Variants in KCNJ16 observed in about 807,000 individuals in gnomAD.
KCNJ16 encodes the protein potassium inwardly rectifying channel subfamily J member 16, also known as inward rectifier potassium channel 16.
Under a neutral mutation model 18.5 loss-of-function variants are expected in KCNJ16, and 15 were observed. The ratio of observed to expected loss-of-function variants is 0.81; its 90% CI spans 0.54 to 1.25. The LOEUF (loss-of-function observed/expected upper bound fraction) is 1.25. KCNJ16 is among the 50% of genes most tolerant of loss of function. The probability of loss-of-function intolerance (pLI) is 0.00; values close to 1 mark genes in which losing one functional copy is unlikely to be tolerated. For missense variants in KCNJ16, 523 were observed against 525.7 expected, an observed-to-expected ratio of 0.99 and a Z score of 0.05; for synonymous variants, 174 against 186.5, an observed-to-expected ratio of 0.93 and a Z score of 0.55.
At chr17:70,097,756 C>T (rs770641232) in intron 1 of KCNJ16, among the ~76,000 whole-genome samples, 1 of 152,088 alleles carries the variant, frequency 6.6e-6, no homozygotes, top group Non-Finnish European at 1.5e-5. Context: ...TCCACTCTTT[C>T]CTTGCAAAGA....
intron 2 of KCNJ16, among the ~76,000 whole-genome samples, chr17:70,118,147 C>G (rs746817453): frequency 6.6e-6 from 1 of 152,008 alleles, no homozygotes; most frequent in Non-Finnish European, 1.5e-5. Flanking sequence ...TCTTACATTG[C>G]TATAAATATC....
chr17:70,086,315 G>A (rs2071794164), intron 1 of KCNJ16, among the ~76,000 whole-genome samples: 1 of 152,144 alleles, frequency 6.6e-6, no homozygotes, highest in South Asian at 2.1e-4. Flanking sequence ...TTATTGCATA[G>A]TAAATTCTGT....
At chr17:70,098,915 C>G (rs2072503852) in intron 1 of KCNJ16, among the ~76,000 whole-genome samples, 1 of 152,142 alleles carries the variant, frequency 6.6e-6, no homozygotes, top group Non-Finnish European at 1.5e-5. Context: ...TGAGCAAATT[C>G]TAAGTGCCTG....
rs1240165964 is a variant in KCNJ16 at position 70,081,871 on chromosome 17, A to T, written c.-300+6481A>T. On this transcript the variant is annotated intron_variant, in intron 1 of 3. Coordinates refer to ENST00000392671, the MANE Select transcript of KCNJ16 (RefSeq NM_170741.4). ...CTGTATTAATTATTCACAAAGTAAT[A>T]CCATGATAATTGCTATGCCATTAAT... Among the ~76,000 whole-genome samples the T allele has an allele frequency of 5.9e-5, 9 of 152,108 alleles. 1 individual carries two copies.
chr17:70,130,843 G>A, intron 2 of KCNJ16, 36 bp from the exon 3 acceptor site: 1 of 882,154 alleles, frequency 1.1e-6, no homozygotes. Flanking sequence ...TGTTAAAATT[G>A]GCTACAATAC....
chr17:70,094,459 T>C (rs952066930), intron 1 of KCNJ16, among the ~76,000 whole-genome samples: 10 of 152,144 alleles, frequency 6.6e-5, no homozygotes, highest in Non-Finnish European at 1.5e-4. Flanking sequence ...AATTAGAAAT[T>C]TGAGAAATTG....
At chr17:70,090,365 C>T (rs73389235) in intron 1 of KCNJ16, among the ~76,000 whole-genome samples, 3,479 of 152,240 alleles carry the variant, frequency 0.023, 135 homozygotes, top group African/African-American at 0.078. Flanking sequence ...TACATTTTGG[C>T]TGGATAACAT....
intron 2 of KCNJ16, among the ~76,000 whole-genome samples, chr17:70,104,575 A>G (rs2072823649): frequency 6.6e-6 from 1 of 152,216 alleles, no homozygotes; most frequent in East Asian, 1.9e-4. Context: ...ACACACTTGG[A>G]AGAGGTTGTA....
intron 1 of KCNJ16, among the ~76,000 whole-genome samples, chr17:70,087,214 G>A (rs1385636319): frequency 6.6e-6 from 1 of 152,082 alleles, no homozygotes; most frequent in African/African-American, 2.4e-5. Flanking sequence ...CTCTGTGAGA[G>A]TAGTGAGAGG....
chr17:70,084,367 T>C (rs2071696961), intron 1 of KCNJ16, among the ~76,000 whole-genome samples: 1 of 152,242 alleles, frequency 6.6e-6, no homozygotes, highest in Middle Eastern at 3.4e-3. Flanking sequence ...CATTAAGTGG[T>C]AGGAGAGAGT....
intron 2 of KCNJ16, among the ~76,000 whole-genome samples, chr17:70,104,264 C>A (rs1402368093): frequency 1.3e-5 from 2 of 152,116 alleles, no homozygotes; most frequent in African/African-American, 2.4e-5. Context: ...CTGCACCTGG[C>A]AAGTAATGCT....
chr17:70,132,616 A>C lies in KCNJ16; in HGVS notation c.529A>C (p.Lys177Gln), dbSNP rs1383892683. The C allele has an allele frequency of 6.2e-7, 1 of 1,614,092 alleles. No individual in the cohort carries two copies. The highest frequency in any genetic ancestry group is 1.3e-5 in the African/African-American group (1 of 74,932). Residue 177 changes from lysine (K) to glutamine (Q), a missense_variant, in exon 4 of 4, where the codon AAG becomes CAG. By Grantham distance (53) the Lys-to-Gln change is moderately conservative (BLOSUM62 1). Transcript: ENST00000392671. ...AALAKMATARKRAQTIRFSYF... is the reference protein window; with the variant it reads ...AALAKMATARQRAQTIRFSYF... ...CTTGGCCAAAATGGCAACTGCTCGA[A>C]AGAGAGCCCAAACCATTCGTTTCAG...
intron 2 of KCNJ16, among the ~76,000 whole-genome samples, chr17:70,126,365 A>G (rs2073855939): frequency 6.6e-6 from 1 of 152,148 alleles, no homozygotes; most frequent in Non-Finnish European, 1.5e-5. Context: ...AGCAGGTCTG[A>G]GCTTCATTTT....
chr17:70,103,684 A>T (rs1267086984), intron 2 of KCNJ16, among the ~76,000 whole-genome samples: 1 of 151,752 alleles, frequency 6.6e-6, no homozygotes, highest in East Asian at 1.9e-4. Flanking sequence ...GGTTGCAATT[A>T]CTCTATGTAC....
At chr17:70,096,489 G>C (rs1255493949) in intron 1 of KCNJ16, among the ~76,000 whole-genome samples, 1 of 151,842 alleles carries the variant, frequency 6.6e-6, no homozygotes, top group Admixed American at 6.6e-5. Flanking sequence ...AATTTTTATA[G>C]TAACATTAGC....
At chr17:70,108,213 T>C (rs1249881873) in intron 2 of KCNJ16, 2 of 152,196 alleles carry the variant, frequency 1.3e-5, no homozygotes, top group East Asian at 3.9e-4. Flanking sequence ...ACAGGGAACA[T>C]AGCTGGTGTT....
At chr17:70,111,721 T>C (rs1173038188) in intron 2 of KCNJ16, among the ~76,000 whole-genome samples, 3 of 152,002 alleles carry the variant, frequency 2.0e-5, no homozygotes, top group African/African-American at 4.8e-5. Context: ...CATGGGGTAG[T>C]TTCCCCCATA....
chr17:70,095,438 C>G (rs745870944), intron 1 of KCNJ16, among the ~76,000 whole-genome samples: 26 of 152,152 alleles, frequency 1.7e-4, no homozygotes, highest in South Asian at 4.1e-4. Context: ...ATGTGCTCCT[C>G]AAACCATTTA....
rs2074167316 is a variant in KCNJ16, at chr17:70,134,556, ATACTC to A, written c.*1217_*1221del. On this transcript the variant is annotated 3_prime_UTR_variant, in exon 4 of 4. Transcript: ENST00000392671. ...GTTTTAGAACATGAGATAAAGTTGT[ATACTC>A]TACTTTCATGTTAAAATGTTAATCA... 6.0e-6 allele frequency: 1 copy of A among 167,026 alleles called. No individual in the cohort carries two copies. The highest frequency in any genetic ancestry group is 2.1e-4 in the South Asian group (1 of 4,832). The allele number at this position is 167,026 out of a possible 1,614,324, so 10.3% of individuals were successfully genotyped here.
Sources: allele counts gnomAD v4.1 joint callset (sites outside exome capture counted in the v4.1 genomes callset), GRCh38; gene constraint gnomAD v4.1.1; transcripts MANE v1.5; gene names NCBI Gene and HGNC (gene_info 2026-07-23, HGNC 2026-07-21).